Variants in PTAFR observed in about 807,000 individuals in gnomAD.
The protein encoded by PTAFR is platelet-activating factor receptor.
Under a neutral mutation model 14.7 loss-of-function variants are expected in PTAFR, and 8 were observed. The ratio of observed to expected loss-of-function variants is 0.54; its 90% confidence interval spans 0.32 to 0.98. The LOEUF is 0.98. Ranked by LOEUF, PTAFR falls within the 50% of genes least tolerant of loss-of-function variation. The probability of loss-of-function intolerance (pLI) is 0.04; values close to 1 mark genes in which losing one functional copy is unlikely to be tolerated. For synonymous variants in PTAFR, 156 were observed against 176.5 expected (o/e 0.88, Z 0.92); for missense variants, 337 against 451.2 (o/e 0.75, Z 2.29).
chr1:28,181,668 G>C (rs1390131010), upstream of PTAFR, among the ~76,000 whole-genome samples: 1 of 152,134 alleles, frequency 6.6e-6, no homozygotes, highest in Non-Finnish European at 1.5e-5. Flanking sequence ...CTTGAACCTG[G>C]GAGGCGGAGG....
chr1:28,168,895 T>C (rs548051884), intron 1 of PTAFR, among the ~76,000 whole-genome samples: 9 of 152,028 alleles, frequency 5.9e-5, no homozygotes, highest in Non-Finnish European at 1.3e-4. Flanking sequence ...CTCGAACTCC[T>C]GACCTCAAGC....
At chr1:28,178,901 C>T (rs1469586922), upstream of PTAFR, among the ~76,000 whole-genome samples, 3 of 152,198 alleles carry the variant, frequency 2.0e-5, no homozygotes, top group East Asian at 5.8e-4. Context: ...CAGGCTCAGG[C>T]CAAGCACTTT....
At chr1:28,176,476 G>T (rs1385602885) in intron 1 of PTAFR, 116 bp downstream of exon 1, 2 of 147,958 alleles carry the variant, frequency 1.4e-5, no homozygotes, top group Non-Finnish European at 3.0e-5. Context: ...GAAAAGAAAA[G>T]AAATAGAAGC....
intron 1 of PTAFR, among the ~76,000 whole-genome samples, chr1:28,192,095 T>A (rs1001628871): frequency 8.9e-4 from 129 of 144,172 alleles, no homozygotes; most frequent in Middle Eastern, 6.9e-3. Flanking sequence ...GTAAAACATT[T>A]AAAAAAAAAA....
chr1:28,167,950 C>CT lies in PTAFR; in HGVS notation c.-39+8641dup, dbSNP rs33965504. Reference sequence around the variant, plus strand: ...CACCACGCCCAACTGAAAACCAGATCTTTTTTTTTTTTTTTTTTTTTTTTT... The same window carrying CT: ...CACCACGCCCAACTGAAAACCAGATCTTTTTTTTTTTTTTTTTTTTTTTTTT... On this transcript the variant is annotated intron_variant, in intron 1 of 1. Transcript: ENST00000373857. Among the ~76,000 whole-genome samples the CT allele has an allele frequency of 8.9e-4, 34 of 38,150 alleles. 2 individuals carry two copies. The highest frequency in any genetic ancestry group is 1.0e-3 in the Non-Finnish European group (24 of 23,184). The allele number at this position is 38,150 out of a possible 152,430, so 25.0% of individuals were successfully genotyped here.
Position 28,161,897 on chromosome 1 carries a change from G to A in PTAFR, c.-38-10838C>T, listed in dbSNP as rs139806952. ...ACTCTAAAAAAGAAAAAAGGAACAA[G>A]TAAGAGGACGATCTGGATTATTCCA... On this transcript the variant is annotated intron_variant, in intron 1 of 1. Transcript: ENST00000373857. 6.0e-3 allele frequency among the ~76,000 whole-genome samples: 918 copies of A among 152,324 alleles called. 5 individuals carry two copies. Among genetic ancestry groups the A allele is most frequent in the African/African-American group, 0.013 (527 of 41,568 alleles).
At chr1:28,156,868 G>A (rs1349790257) in intron 1 of PTAFR, among the ~76,000 whole-genome samples, 2 of 152,144 alleles carry the variant, frequency 1.3e-5, no homozygotes, top group African/African-American at 2.4e-5. Context: ...TATTTGGCCT[G>A]TGTGGTGGCT....
chr1:28,157,010 C>G (rs1356473061), intron 1 of PTAFR, among the ~76,000 whole-genome samples: 1 of 152,214 alleles, frequency 6.6e-6, no homozygotes, highest in Non-Finnish European at 1.5e-5. Flanking sequence ...TTCCTGCACC[C>G]TGCCTGCCCA....
At chr1:28,184,696 G>A (rs568006040) in intron 1 of PTAFR, among the ~76,000 whole-genome samples, 4 of 152,020 alleles carry the variant, frequency 2.6e-5, no homozygotes, top group South Asian at 2.1e-4. Flanking sequence ...CTGGAGTTCA[G>A]TAGTGCAATC....
chr1:28,177,739 T>C (rs558788759), upstream of PTAFR, among the ~76,000 whole-genome samples: 1 of 149,956 alleles, frequency 6.7e-6, no homozygotes, highest in South Asian at 2.1e-4. Context: ...ACTTTCTTCT[T>C]TTTTTTTTTC....
At chr1:28,188,228 T>C (rs1334767762) in intron 1 of PTAFR, among the ~76,000 whole-genome samples, 1 of 152,212 alleles carries the variant, frequency 6.6e-6, no homozygotes, top group Non-Finnish European at 1.5e-5. Context: ...GGCAGATCGC[T>C]TGAACCCAGG....
intron 1 of PTAFR, among the ~76,000 whole-genome samples, chr1:28,162,043 A>T (rs1266206738): frequency 6.6e-6 from 1 of 152,162 alleles, no homozygotes; most frequent in Non-Finnish European, 1.5e-5. Flanking sequence ...GAAGAGTGGG[A>T]TGTGATCAGA....
chr1:28,164,252 G>A (rs1308481000), intron 1 of PTAFR, among the ~76,000 whole-genome samples: 1 of 152,202 alleles, frequency 6.6e-6, no homozygotes, highest in African/African-American at 2.4e-5. Context: ...CATTTGTGGG[G>A]CCAGTTGAGG....
intron 1 of PTAFR, among the ~76,000 whole-genome samples, chr1:28,188,537 G>A (rs1453468347): frequency 6.6e-6 from 1 of 152,114 alleles, no homozygotes. Flanking sequence ...TCAGGAATTC[G>A]AGACCAGCAC....
chr1:28,173,098 G>A (rs1259547691), intron 1 of PTAFR, among the ~76,000 whole-genome samples: 8 of 72,530 alleles, frequency 1.1e-4, no homozygotes, highest in African/African-American at 4.9e-4. Flanking sequence ...GCAAGATCCC[G>A]TTTCCACAAA....
At chr1:28,165,026 T>C (rs1048455939) in intron 1 of PTAFR, among the ~76,000 whole-genome samples, 7 of 152,318 alleles carry the variant, frequency 4.6e-5, no homozygotes, top group African/African-American at 1.4e-4. Flanking sequence ...TAAATGAAGA[T>C]TTTTATATGG....
intron 1 of PTAFR, among the ~76,000 whole-genome samples, chr1:28,187,141 G>C (rs149477028): frequency 1.1e-4 from 16 of 152,184 alleles, no homozygotes; most frequent in African/African-American, 3.9e-4. Context: ...TCTTTTCCCT[G>C]TGGTATTCTT....
chr1:28,160,014 A>G (rs1404366570), intron 1 of PTAFR, among the ~76,000 whole-genome samples: 1 of 151,946 alleles, frequency 6.6e-6, no homozygotes, highest in Non-Finnish European at 1.5e-5. Flanking sequence ...GGAGTTTGAG[A>G]TCAGCCTGGG....
chr1:28,157,776 C>G (rs1215026476), intron 1 of PTAFR, among the ~76,000 whole-genome samples: 1 of 151,836 alleles, frequency 6.6e-6, no homozygotes, highest in Non-Finnish European at 1.5e-5. Context: ...CTACAGGCGC[C>G]TGCCACGACG....
Sources: gnomAD v4.1 joint callset for allele counts (sites outside exome capture counted in the v4.1 genomes callset) on GRCh38, gnomAD v4.1.1 for gene constraint, MANE v1.5 for transcripts, NCBI Gene and HGNC (gene_info 2026-07-23, HGNC 2026-07-21) for gene names.